The following MTAP variants were observed in gnomAD, a reference collection of about 807,000 sequenced individuals.
MTAP encodes methylthioadenosine phosphorylase, also known as S-methyl-5'-thioadenosine phosphorylase.
In MTAP, 33 loss-of-function variants were observed where a neutral mutation model predicts 33.6. The ratio of observed to expected loss-of-function variants is 0.98; its 90% CI spans 0.74 to 1.31. The LOEUF (loss-of-function observed/expected upper bound fraction) is 1.31, where lower values mean the gene tolerates loss of function less well. Among genes scored for constraint, MTAP ranks in the 40% most tolerant of loss-of-function variants. The probability of loss-of-function intolerance (pLI) is 0.00; values close to 1 mark genes in which losing one functional copy is unlikely to be tolerated. For missense variants in MTAP, 367 were observed against 360.0 expected (o/e 1.02, Z -0.16); for synonymous variants, 148 against 125.7 (o/e 1.18, Z -1.19).
At chr9:21,818,260 G>A in intron 4 of MTAP, 58 bp downstream of exon 4, 17 of 1,524,646 alleles carry the variant, frequency 1.1e-5, no homozygotes, top group Non-Finnish European at 1.4e-5. Flanking sequence ...CAGCTCAAAT[G>A]GACGACGCGT....
intron 4 of MTAP, among the ~76,000 whole-genome samples, chr9:21,818,757 A>G (rs1184145988): frequency 6.6e-6 from 1 of 152,260 alleles, no homozygotes; most frequent in African/African-American, 2.4e-5. Flanking sequence ...TAATTAACAT[A>G]TTACCCCACA....
chr9:21,907,604 G>A (rs374076326), intron 1 of MTAP, among the ~76,000 whole-genome samples: 1 of 151,704 alleles, frequency 6.6e-6, no homozygotes, highest in East Asian at 1.9e-4. Context: ...ACCAAAGCTA[G>A]CAATGTGTTT....
At chr9:21,872,797 G>A (rs1332144184) in intron 1 of MTAP, among the ~76,000 whole-genome samples, 1 of 152,182 alleles carries the variant, frequency 6.6e-6, no homozygotes, top group Non-Finnish European at 1.5e-5. Context: ...ACTGTAGACA[G>A]ATCAGACCTT....
downstream of MTAP, among the ~76,000 whole-genome samples, chr9:21,938,538 A>G (rs1300651749): frequency 1.3e-5 from 2 of 152,200 alleles, no homozygotes; most frequent in African/African-American, 4.8e-5. Context: ...TTCTTATGTT[A>G]TAATATTATT....
chr9:21,814,078 C>A (rs1489241671), intron 1 of MTAP, among the ~76,000 whole-genome samples: 1 of 152,192 alleles, frequency 6.6e-6, no homozygotes. Context: ...GGCTTTGCCA[C>A]TTAAGGAAAT....
intron 5 of MTAP, among the ~76,000 whole-genome samples, chr9:21,844,081 T>A (rs200638416): frequency 6.6e-6 from 1 of 152,246 alleles, no homozygotes; most frequent in East Asian, 1.9e-4. Context: ...CAAAAGACTA[T>A]TCAAGGCTAC....
chr9:21,862,821 T>G lies in MTAP; in HGVS notation c.*807T>G. 2.4e-6 allele frequency: 1 copy of G among 410,342 alleles called. No homozygotes were observed. Among genetic ancestry groups the G allele is most frequent in the Non-Finnish European group, 3.3e-6 (1 of 305,260 alleles). 25.4% of individuals were successfully genotyped at this position (410,342 alleles called of 1,614,324 possible). A position where few individuals can be genotyped will look rare whatever the true frequency, so the allele number is the denominator to read the frequency against. On this transcript the variant is annotated 3_prime_UTR_variant, in exon 8 of 8. Coordinates refer to ENST00000644715, the MANE Select transcript of MTAP (RefSeq NM_002451.4). ...AGAAATATATATAACCTTGTTATTG[T>G]ATTTGGGGGAGGGATACTGGGATAA...
intron 1 of MTAP, among the ~76,000 whole-genome samples, chr9:21,811,220 C>T (rs867110571): frequency 2.0e-5 from 3 of 152,082 alleles, no homozygotes; most frequent in African/African-American, 7.2e-5. Context: ...TTCCTTACGG[C>T]AGTGTGCCCA....
chr9:21,850,725 T>C (rs1395268503), intron 5 of MTAP, among the ~76,000 whole-genome samples: 1 of 152,186 alleles, frequency 6.6e-6, no homozygotes, highest in African/African-American at 2.4e-5. Flanking sequence ...TGACTATGGG[T>C]CATCAAGTCA....
At chr9:21,938,215 A>T (rs908596622), downstream of MTAP, among the ~76,000 whole-genome samples, 1 of 151,474 alleles carries the variant, frequency 6.6e-6, no homozygotes. Flanking sequence ...CAGAGGTTGC[A>T]GTGAGCCAAG....
intron 4 of MTAP, among the ~76,000 whole-genome samples, chr9:21,826,381 T>A (rs1563836126): frequency 6.6e-6 from 1 of 151,812 alleles, no homozygotes; most frequent in Non-Finnish European, 1.5e-5. Context: ...CTTTTCCTTT[T>A]ACTGCCTATC....
intron 5 of MTAP, among the ~76,000 whole-genome samples, chr9:21,843,090 A>G (rs1311614444): frequency 6.6e-6 from 1 of 152,228 alleles, no homozygotes; most frequent in Non-Finnish European, 1.5e-5. Context: ...ATGCAAATGG[A>G]AACCAAAAGC....
intron 1 of MTAP, among the ~76,000 whole-genome samples, chr9:21,918,655 G>A (rs1256639328): frequency 6.6e-6 from 1 of 152,176 alleles, no homozygotes; most frequent in Admixed American, 6.5e-5. Context: ...GGGACCTGGT[G>A]GCAGGTAATT....
rs1825796016 is a variant in MTAP, at chr9:21,863,574, G to C, written c.*1560G>C. 1 of 888,500 alleles carries C rather than the reference G, an allele frequency of 1.1e-6. No individual in the cohort carries two copies. Among genetic ancestry groups the C allele is most frequent in the South Asian group, 5.2e-5 (1 of 19,274 alleles). The allele number at this position is 888,500 out of a possible 1,614,324, so 55.0% of individuals were successfully genotyped here. A position where few individuals can be genotyped will look rare whatever the true frequency, so the allele number is the denominator to read the frequency against. On this transcript the variant is annotated 3_prime_UTR_variant, in exon 8 of 8. Transcript: ENST00000644715. ...GTGAGCAGAGCTTGCAGTGAGACGAGCTTGTGCCACTGCACTCCAGCCTGG... is the reference window on the plus strand; with the variant it reads ...GTGAGCAGAGCTTGCAGTGAGACGACCTTGTGCCACTGCACTCCAGCCTGG...
intron 5 of MTAP, among the ~76,000 whole-genome samples, chr9:21,851,120 C>T (rs962246011): frequency 2.0e-5 from 3 of 152,314 alleles, no homozygotes; most frequent in East Asian, 1.9e-4. Flanking sequence ...TGGGAAACTA[C>T]AACAGCCCAA....
At chr9:21,938,329 T>C (rs1819075590), downstream of MTAP, among the ~76,000 whole-genome samples, 1 of 151,004 alleles carries the variant, frequency 6.6e-6, no homozygotes, top group African/African-American at 2.4e-5. Flanking sequence ...TCCCAGCTAC[T>C]TGGGAGGCTG....
In MTAP at chr9:21,802,738, C is replaced by T. The variant is rs1378988397; in HGVS notation, c.-11C>T. 6 of 1,612,970 alleles carry T rather than the reference C, an allele frequency of 3.7e-6. No individual in the cohort carries two copies. In the East Asian group the frequency reaches 1.1e-4, roughly 30 times the overall value. On this transcript the variant is annotated 5_prime_UTR_variant, in exon 1 of 8. Coordinates refer to ENST00000644715, the MANE Select transcript of MTAP (RefSeq NM_002451.4). The stretch of plus-strand genomic sequence containing the variant: ...GCGCTCGCCCACTGCAGATTCCTTT[C>T]CCGTGCAGACATGGCCTCTGGCACC...
intron 1 of MTAP, among the ~76,000 whole-genome samples, chr9:21,874,691 TTTC>T (rs1474403786): frequency 3.6e-5 from 5 of 137,390 alleles, no homozygotes; most frequent in African/African-American, 1.5e-4. Flanking sequence ...TTTAATCATT[TTTC>T]TTTTTTTTTT....
chr9:21,804,733 T>A (rs1470754942), intron 1 of MTAP, among the ~76,000 whole-genome samples: 1 of 152,196 alleles, frequency 6.6e-6, no homozygotes, highest in Non-Finnish European at 1.5e-5. Flanking sequence ...GCTGGAGTGT[T>A]CCTTCAAGAC....
Sources: gnomAD v4.1 joint callset for allele counts (sites outside exome capture counted in the v4.1 genomes callset) on GRCh38, gnomAD v4.1.1 for gene constraint, MANE v1.5 for transcripts, NCBI Gene and HGNC (gene_info 2026-07-23, HGNC 2026-07-21) for gene names.